The following VWA3B variants were observed in gnomAD, a reference collection of about 807,000 sequenced individuals.
VWA3B encodes the protein von Willebrand factor A domain containing 3B, also known as von Willebrand factor A domain-containing protein 3B.
VWA3B carries 138 observed loss-of-function variants against 158.3 expected under a neutral mutation model. That is an observed-to-expected ratio of 0.87 (90% CI 0.76 to 1.00). The LOEUF is 1.00. Among genes scored for constraint, VWA3B ranks in the 50% least tolerant of loss-of-function variants. VWA3B has a pLI of 0.00. For missense variants in VWA3B, 1,555 were observed against 1,565.1 expected, an observed-to-expected ratio of 0.99 and a Z score of 0.11; for synonymous variants, 596 against 587.3, an observed-to-expected ratio of 1.01 and a Z score of -0.21.
At chr2:98,264,720 A>G (rs1406476857) in intron 21 of VWA3B, among the ~76,000 whole-genome samples, 1 of 152,122 alleles carries the variant, frequency 6.6e-6, no homozygotes, top group Non-Finnish European at 1.5e-5. Context: ...CATGTTGGTT[A>G]GGCCCAGTTG....
rs371869511 is a variant in VWA3B at position 98,189,580 on chromosome 2, A to G, written c.1466+1451A>G. Among the ~76,000 whole-genome samples the G allele has an allele frequency of 2.6e-3, 393 of 152,328 alleles. 1 individual carries two copies. Among genetic ancestry groups the G allele is most frequent in the African/African-American group, 8.0e-3 (332 of 41,556 alleles). ...TGGGTGGAGTATACTACAGGTATCA[A>G]TTAGCTCAAGTTGGTTGAGAGTGTC... On this transcript the variant is annotated intron_variant, in intron 10 of 27. Transcript: ENST00000477737.
chr2:98,129,946 T>C (rs759058487), intron 6 of VWA3B, among the ~76,000 whole-genome samples: 1 of 151,988 alleles, frequency 6.6e-6, no homozygotes, highest in Non-Finnish European at 1.5e-5. Context: ...GAACGAGAGA[T>C]TTGGAAAAGA....
chr2:98,123,632 G>A (rs2104983511), intron 5 of VWA3B, among the ~76,000 whole-genome samples: 1 of 152,328 alleles, frequency 6.6e-6, no homozygotes, highest in East Asian at 1.9e-4. Context: ...TGTGTCTCAT[G>A]AAAAGGAACC....
At chr2:98,133,994 A>G in intron 7 of VWA3B, 55 bp downstream of exon 7, 1 of 1,444,430 alleles carries the variant, frequency 6.9e-7, no homozygotes, top group Non-Finnish European at 9.7e-7. Flanking sequence ...GCCTCAGACG[A>G]CGTGGATCAT....
intron 7 of VWA3B, among the ~76,000 whole-genome samples, chr2:98,145,920 T>G (rs1677140921): frequency 6.6e-6 from 1 of 152,016 alleles, no homozygotes; most frequent in Non-Finnish European, 1.5e-5. Flanking sequence ...GGTTGGGTTT[T>G]GGGGGGATCT....
intron 7 of VWA3B, among the ~76,000 whole-genome samples, chr2:98,161,035 A>C (rs1248088199): frequency 6.6e-6 from 1 of 152,234 alleles, no homozygotes; most frequent in Non-Finnish European, 1.5e-5. Context: ...GCTTAGGATC[A>C]GTCCTTTGGC....
At chr2:98,188,668 G>T (rs1166747977) in intron 10 of VWA3B, among the ~76,000 whole-genome samples, 2 of 152,172 alleles carry the variant, frequency 1.3e-5, no homozygotes, top group Non-Finnish European at 2.9e-5. Context: ...GCGAATGACA[G>T]AATTTTATTC....
chr2:98,133,847 C>T lies in VWA3B; in HGVS notation c.896C>T (p.Thr299Ile). The T allele has an allele frequency of 6.2e-7, 1 of 1,614,080 alleles. No homozygotes were observed. Among genetic ancestry groups the T allele is most frequent in the Admixed American group, 1.7e-5 (1 of 60,014 alleles). The change falls in exon 7 of 28, where the codon ACA (threonine) becomes ATA (isoleucine). Residue 299 changes from threonine (T) to isoleucine (I), a missense_variant. Thr to Ile is a moderately conservative substitution (Grantham distance 89). Coordinates refer to ENST00000477737, the MANE Select transcript of VWA3B (RefSeq NM_144992.5). ...AGATTCCACGCATTTGCCGAGAGAA[C>T]AGAGTGTGTAGAATTTCCTGCATTC... is the stretch of plus-strand genomic sequence containing the variant. ...HSRFHAFAERTECVEFPAFST... is the reference protein window; with the variant it reads ...HSRFHAFAERIECVEFPAFST...
At chr2:98,232,999 T>C (rs1228324300) in intron 16 of VWA3B, among the ~76,000 whole-genome samples, 4 of 152,140 alleles carry the variant, frequency 2.6e-5, no homozygotes, top group Non-Finnish European at 5.9e-5. Context: ...TAACTGGAGA[T>C]TGGCCCTCTT....
intron 19 of VWA3B, among the ~76,000 whole-genome samples, chr2:98,238,460 T>C (rs529205001): frequency 6.6e-6 from 1 of 152,268 alleles, no homozygotes; most frequent in South Asian, 2.1e-4. Flanking sequence ...TATTCTTGAG[T>C]TTTATTTGGG....
At chr2:98,166,879 A>G (rs1178494340) in intron 8 of VWA3B, among the ~76,000 whole-genome samples, 1 of 152,086 alleles carries the variant, frequency 6.6e-6, no homozygotes, top group African/African-American at 2.4e-5. Flanking sequence ...AATTCTTTGA[A>G]TGTACCATCT....
At chr2:98,169,715 CTGTG>C (rs61535424) in intron 8 of VWA3B, among the ~76,000 whole-genome samples, 33,985 of 133,946 alleles carry the variant, frequency 0.25, 4,021 homozygotes, top group Middle Eastern at 0.36. Flanking sequence ...CCTGGGCATT[CTGTG>C]TGTGTGTGTG....
intron 26 of VWA3B, among the ~76,000 whole-genome samples, chr2:98,309,250 T>C (rs1435444368): frequency 6.6e-6 from 1 of 152,046 alleles, no homozygotes; most frequent in African/African-American, 2.4e-5. Flanking sequence ...ACTTTCCAAA[T>C]GTGATATCAG....
chr2:98,327,770 C>G, the VWA3B span, among the ~76,000 whole-genome samples: 1 of 152,158 alleles, frequency 6.6e-6, no homozygotes, highest in Non-Finnish European at 1.5e-5. Flanking sequence ...CAAAGTCTGT[C>G]AGCAACAAAC....
At chr2:98,231,821 T>G (rs1685352029) in intron 16 of VWA3B, among the ~76,000 whole-genome samples, 1 of 152,250 alleles carries the variant, frequency 6.6e-6, no homozygotes, top group Admixed American at 6.5e-5. Flanking sequence ...GGAAGCAGCC[T>G]TGTATATCTT....
intron 22 of VWA3B, among the ~76,000 whole-genome samples, chr2:98,288,604 T>G (rs539834276): frequency 6.6e-6 from 1 of 152,334 alleles, no homozygotes; most frequent in African/African-American, 2.4e-5. Flanking sequence ...TTATTAATTT[T>G]TATCAAAGTA....
chr2:98,199,613 A>C (rs1355776878), intron 12 of VWA3B, among the ~76,000 whole-genome samples: 1 of 152,180 alleles, frequency 6.6e-6, no homozygotes, highest in East Asian at 1.9e-4. Context: ...AATCTTCTAT[A>C]ATGGACTGTG....
intron 8 of VWA3B, 125 bp downstream of exon 8, chr2:98,163,101 G>C: frequency 7.0e-7 from 1 of 1,431,106 alleles, no homozygotes; most frequent in Non-Finnish European, 9.4e-7. Context: ...CTGCTGAGGA[G>C]AGCAGCCAGA....
In VWA3B at chr2:98,129,224, A is replaced by AGTGTGTGTGTGTGT. The variant is rs1228441504; in HGVS notation, c.872+838_872+851dup. Among the ~76,000 whole-genome samples the AGTGTGTGTGTGTGT allele has an allele frequency of 1.7e-4, 21 of 124,656 alleles. No homozygotes were observed. The East Asian group carries it at 3.6e-3, about 21-fold the overall frequency. 81.8% of individuals were successfully genotyped at this position (124,656 alleles called of 152,430 possible). ...AGAGAGAGGAGAGAGAGAGAGAGAGAGTGTGTGTGTGTGTGTGTGTGTGTG... is the reference window on the plus strand; with the variant it reads ...AGAGAGAGGAGAGAGAGAGAGAGAGAGTGTGTGTGTGTGTGTGTGTGTGTGTGTGTGTGTGTGTG... On this transcript the variant is annotated intron_variant, in intron 6 of 27. Coordinates refer to ENST00000477737, the MANE Select transcript of VWA3B (RefSeq NM_144992.5).
Sources: gnomAD v4.1 joint callset for allele counts (sites outside exome capture counted in the v4.1 genomes callset) on GRCh38, gnomAD v4.1.1 for gene constraint, MANE v1.5 for transcripts, NCBI Gene and HGNC (gene_info 2026-07-23, HGNC 2026-07-21) for gene names.